Variants in SLIT2 observed in about 807,000 individuals in gnomAD.
SLIT2 encodes slit guidance ligand 2, also known as slit homolog 2 protein.
Under a neutral mutation model 185.7 loss-of-function variants are expected in SLIT2, and 41 were observed. The observed-to-expected ratio is 0.22, with a 90% CI of 0.17 to 0.29. The LOEUF is 0.29. Ranked by LOEUF, SLIT2 falls within the 10% of genes least tolerant of loss-of-function variation. SLIT2 has a pLI of 1.00. For synonymous variants in SLIT2, 693 were observed against 680.2 expected, an observed-to-expected ratio of 1.02 and a Z score of -0.29; for missense variants, 1,571 against 1,909.0, an observed-to-expected ratio of 0.82 and a Z score of 3.30.
At chr4:20,462,700 A>G (rs1713862863) in intron 4 of SLIT2, among the ~76,000 whole-genome samples, 2 of 152,086 alleles carry the variant, frequency 1.3e-5, no homozygotes, top group Non-Finnish European at 2.9e-5. Context: ...CTAAAAATCA[A>G]CCCCAATCAA....
At chr4:20,442,577 G>A (rs1456586558) in intron 4 of SLIT2, among the ~76,000 whole-genome samples, 3 of 151,180 alleles carry the variant, frequency 2.0e-5, no homozygotes, top group Non-Finnish European at 4.4e-5. Flanking sequence ...GAAGGTTATG[G>A]AACAAGGAGG....
intron 4 of SLIT2, chr4:20,395,005 A>T (rs1045640727): frequency 2.6e-5 from 4 of 151,962 alleles, no homozygotes; most frequent in African/African-American, 9.7e-5. Context: ...GTGATGACTC[A>T]GAGTCTCTGG....
At chr4:20,479,478 A>T (rs1449161668) in intron 5 of SLIT2, among the ~76,000 whole-genome samples, 1 of 152,158 alleles carries the variant, frequency 6.6e-6, no homozygotes, top group Admixed American at 6.6e-5. Flanking sequence ...GTTCATCCAC[A>T]TTCTCTCACC....
At chr4:20,594,259 A>G (rs533147083) in intron 30 of SLIT2, among the ~76,000 whole-genome samples, 1 of 150,136 alleles carries the variant, frequency 6.7e-6, no homozygotes, top group South Asian at 2.1e-4. Flanking sequence ...ACATATACAT[A>G]CACGCATATG....
intron 15 of SLIT2, among the ~76,000 whole-genome samples, chr4:20,525,862 A>C (rs1721239971): frequency 6.6e-6 from 1 of 152,198 alleles, no homozygotes; most frequent in Non-Finnish European, 1.5e-5. Context: ...TAATTTAGGC[A>C]GATGGATAAA....
intron 4 of SLIT2, among the ~76,000 whole-genome samples, chr4:20,439,777 G>A (rs1011501904): frequency 9.2e-5 from 14 of 152,094 alleles, no homozygotes; most frequent in South Asian, 2.1e-4. Flanking sequence ...ATCTGAACCC[G>A]TACAAAGATT....
intron 5 of SLIT2, among the ~76,000 whole-genome samples, chr4:20,478,127 T>C (rs1249156890): frequency 1.3e-5 from 2 of 152,244 alleles, no homozygotes; most frequent in African/African-American, 4.8e-5. Flanking sequence ...TGAGCAGTGA[T>C]ACCAGCACAA....
intron 4 of SLIT2, among the ~76,000 whole-genome samples, chr4:20,391,371 C>T (rs767131353): frequency 3.4e-4 from 52 of 151,986 alleles, no homozygotes; most frequent in Non-Finnish European, 6.5e-4. Context: ...GAAATACACA[C>T]GAACAGAAAC....
rs1260071971 is a variant in SLIT2, at chr4:20,518,255, A to ATT, written c.1059-1113_1059-1112dup. 1.9e-3 allele frequency among the ~76,000 whole-genome samples: 163 copies of ATT among 87,486 alleles called. 6 individuals are homozygous for ATT. The highest frequency in any genetic ancestry group is 4.4e-3 in the Admixed American group (29 of 6,558). The allele number at this position is 87,486 out of a possible 152,430, so 57.4% of individuals were successfully genotyped here. A position where few individuals can be genotyped will look rare whatever the true frequency, so the allele number is the denominator to read the frequency against. On this transcript the variant is annotated intron_variant, in intron 11 of 36. Coordinates refer to ENST00000504154, the MANE Select transcript of SLIT2 (RefSeq NM_004787.4). ...TGTGTGTGTGTATATATATATATAT[A>ATT]TTTTTTTTTTTTTTTGAGACAGAGT...
At chr4:20,490,401 C>T (rs891007399) in intron 8 of SLIT2, among the ~76,000 whole-genome samples, 2 of 89,324 alleles carry the variant, frequency 2.2e-5, no homozygotes, top group African/African-American at 1.4e-4. Flanking sequence ...ACACACACAC[C>T]CCCATACATA....
chr4:20,541,322 T>C, intron 19 of SLIT2, 131 bp from the exon 20 acceptor site: 1 of 705,044 alleles, frequency 1.4e-6, no homozygotes. Flanking sequence ...TGAGTAAGAA[T>C]GGGGACAGGG....
intron 4 of SLIT2, among the ~76,000 whole-genome samples, chr4:20,411,837 A>G (rs1250000885): frequency 1.3e-5 from 2 of 152,182 alleles, no homozygotes; most frequent in Non-Finnish European, 2.9e-5. Flanking sequence ...ATTTTGACAC[A>G]AGGAGTTTGA....
intron 4 of SLIT2, among the ~76,000 whole-genome samples, chr4:20,369,516 A>G (rs1277706634): frequency 6.6e-6 from 1 of 152,096 alleles, no homozygotes; most frequent in African/African-American, 2.4e-5. Context: ...AAAGTCTAAA[A>G]TATTTACTCT....
intron 4 of SLIT2, among the ~76,000 whole-genome samples, chr4:20,402,861 T>C (rs1409755324): frequency 6.6e-6 from 1 of 151,846 alleles, no homozygotes; most frequent in Non-Finnish European, 1.5e-5. Context: ...TAATATAAGT[T>C]GAAGTACTTT....
rs145381139 is a variant in SLIT2 at position 20,541,618 on chromosome 4, C to T, written c.2142C>T (p.Asp714=). 757 of 1,612,910 alleles carry T rather than the reference C, an allele frequency of 4.7e-4. No homozygotes were observed. The highest frequency in any genetic ancestry group is 5.7e-4 in the Non-Finnish European group (674 of 1,179,114). The change falls in exon 20 of 37, where the codon GAC becomes GAT. Residue 714 remains aspartate (D), a splice_region_variant and synonymous_variant. Transcript: ENST00000504154. ...CCATTCAGGACTTCACTTGTGATGA[C>T]GGTAAGAAATACTTATCAACTCTTT... ...DVAIQDFTCD[D]GNDDNSCSPL... is the part of the protein sequence containing the mutation.
At chr4:20,406,071 A>G (rs1338307615) in intron 4 of SLIT2, among the ~76,000 whole-genome samples, 1 of 143,272 alleles carries the variant, frequency 7.0e-6, no homozygotes, top group African/African-American at 2.4e-5. Context: ...GGAAATTATT[A>G]TCTTCTCAAT....
chr4:20,336,222 G>A (rs935672292), intron 4 of SLIT2, among the ~76,000 whole-genome samples: 11 of 152,128 alleles, frequency 7.2e-5, no homozygotes, highest in Non-Finnish European at 1.5e-4. Flanking sequence ...TTAATGAGCT[G>A]AAATTAGTTT....
At chr4:20,349,053 G>A (rs1365905355) in intron 4 of SLIT2, among the ~76,000 whole-genome samples, 1 of 152,122 alleles carries the variant, frequency 6.6e-6, no homozygotes, top group Non-Finnish European at 1.5e-5. Flanking sequence ...TGGAAATTGT[G>A]CCATTCCCAA....
rs35738929 is a variant in SLIT2 at position 20,579,976 on chromosome 4, T to TTA, written c.3089-9658_3089-9657dup. Among the ~76,000 whole-genome samples the TTA allele has an allele frequency of 4.8e-4, 70 of 144,946 alleles. 1 individual carries two copies. The highest frequency in any genetic ancestry group is 9.8e-4 in the African/African-American group (39 of 39,736). Reference sequence around the variant, plus strand: ...TCAAATATTCTCCAAATAATATATATTATATATATATTTAATATGTAATAT... The same window carrying TTA: ...TCAAATATTCTCCAAATAATATATATTATATATATATATTTAATATGTAATAT... On this transcript the variant is annotated intron_variant, in intron 29 of 36. Transcript: ENST00000504154.
Sources: gnomAD v4.1 joint callset for allele counts (sites outside exome capture counted in the v4.1 genomes callset) on GRCh38, gnomAD v4.1.1 for gene constraint, MANE v1.5 for transcripts, NCBI Gene and HGNC (gene_info 2026-07-23, HGNC 2026-07-21) for gene names.